Variants in HNF4G observed in about 807,000 individuals in gnomAD.
The protein encoded by HNF4G is hepatocyte nuclear factor 4-gamma.
In HNF4G, 21 loss-of-function variants were observed where a neutral mutation model predicts 50.9. The observed-to-expected ratio is 0.41, with a 90% CI of 0.29 to 0.59. The LOEUF is 0.59. Ranked by LOEUF, HNF4G falls within the 20% of genes least tolerant of loss-of-function variation. The pLI is 0.26. For missense variants in HNF4G, 527 were observed against 559.4 expected, an observed-to-expected ratio of 0.94 and a Z score of 0.58; for synonymous variants, 198 against 185.6, an observed-to-expected ratio of 1.07 and a Z score of -0.54.
intron 1 of HNF4G, among the ~76,000 whole-genome samples, chr8:75,462,071 C>T (rs1811866217): frequency 6.6e-6 from 1 of 151,808 alleles, no homozygotes; most frequent in South Asian, 2.1e-4. Flanking sequence ...GCATGCACCA[C>T]CATGGCTGTC....
At chr8:75,500,899 T>C (rs1481736218) in intron 2 of HNF4G, among the ~76,000 whole-genome samples, 1 of 152,100 alleles carries the variant, frequency 6.6e-6, no homozygotes, top group Non-Finnish European at 1.5e-5. Context: ...TATTGGTTTT[T>C]TGAGGACTGA....
intron 1 of HNF4G, among the ~76,000 whole-genome samples, chr8:75,445,851 A>G (rs2130561574): frequency 1.7e-5 from 2 of 114,576 alleles, no homozygotes; most frequent in Non-Finnish European, 3.5e-5. Context: ...TACCAGAGGT[A>G]CAAGGAGGAA....
At chr8:75,422,895 T>G (rs931546993) in intron 1 of HNF4G, among the ~76,000 whole-genome samples, 1 of 152,238 alleles carries the variant, frequency 6.6e-6, no homozygotes, top group African/African-American at 2.4e-5. Flanking sequence ...CAGGCACTGC[T>G]CTAAATGCTT....
rs192933809 is a variant in HNF4G at position 75,529,022 on chromosome 8, A to C, written c.-23-14789A>C. Among the ~76,000 whole-genome samples, 670 of 152,072 alleles carry C rather than the reference A, an allele frequency of 4.4e-3. 6 individuals carry two copies. The highest frequency in any genetic ancestry group is 0.014 in the African/African-American group (589 of 41,506). On this transcript the variant is annotated intron_variant, in intron 2 of 10. Transcript: ENST00000354370. The stretch of plus-strand genomic sequence containing the variant: ...CAGATCTCTGCCGGGCGCGGTGGCT[A>C]ACGCCTGTAATCCCAGCACTTTGGG...
chr8:75,458,690 C>T (rs1263637203), intron 1 of HNF4G, among the ~76,000 whole-genome samples: 1 of 152,196 alleles, frequency 6.6e-6, no homozygotes, highest in Non-Finnish European at 1.5e-5. Flanking sequence ...TGGAAAGAAG[C>T]AATAACCTCC....
At chr8:75,531,968 G>GT (rs1229446145) in intron 2 of HNF4G, among the ~76,000 whole-genome samples, 4 of 151,844 alleles carry the variant, frequency 2.6e-5, no homozygotes, top group African/African-American at 9.7e-5. Context: ...CAACTATTCT[G>GT]TTTTTATTAT....
At chr8:75,556,132 A>G in intron 6 of HNF4G, 63 bp downstream of exon 6, 1 of 871,376 alleles carries the variant, frequency 1.1e-6, no homozygotes, top group Non-Finnish European at 1.8e-6. Flanking sequence ...AATATTATAC[A>G]GGGTCTGTTC....
At chr8:75,488,049 G>A (rs1812534792) in intron 1 of HNF4G, among the ~76,000 whole-genome samples, 1 of 152,198 alleles carries the variant, frequency 6.6e-6, no homozygotes, top group Non-Finnish European at 1.5e-5. Flanking sequence ...CCTCCCACCA[G>A]ATCCCTCCCA....
chr8:75,505,376 T>C (rs1813049253), intron 2 of HNF4G, among the ~76,000 whole-genome samples: 1 of 152,142 alleles, frequency 6.6e-6, no homozygotes, highest in Admixed American at 6.6e-5. Flanking sequence ...TAGATACACC[T>C]TTGGAATATG....
chr8:75,522,283 G>A (rs1228403883), intron 2 of HNF4G, among the ~76,000 whole-genome samples: 1 of 152,200 alleles, frequency 6.6e-6, no homozygotes, highest in Non-Finnish European at 1.5e-5. Flanking sequence ...GTAAGAGCCA[G>A]TGTTTATATA....
At chr8:75,512,024 T>C (rs1316519820) in intron 2 of HNF4G, among the ~76,000 whole-genome samples, 1 of 152,214 alleles carries the variant, frequency 6.6e-6, no homozygotes, top group Admixed American at 6.5e-5. Flanking sequence ...AGGAATACAA[T>C]AGATAATTAT....
intron 1 of HNF4G, among the ~76,000 whole-genome samples, chr8:75,454,695 T>A (rs1469084187): frequency 6.6e-6 from 1 of 152,176 alleles, no homozygotes; most frequent in Non-Finnish European, 1.5e-5. Flanking sequence ...TTAATTAGCC[T>A]ACCCAAAATA....
intron 1 of HNF4G, among the ~76,000 whole-genome samples, chr8:75,417,417 T>A (rs962971510): frequency 6.6e-6 from 1 of 152,238 alleles, no homozygotes; most frequent in East Asian, 1.9e-4. Flanking sequence ...ATCTCCACTA[T>A]GCTACTAAGG....
intron 2 of HNF4G, among the ~76,000 whole-genome samples, chr8:75,503,063 G>A (rs1812973480): frequency 6.6e-6 from 1 of 152,124 alleles, no homozygotes; most frequent in Admixed American, 6.6e-5. Flanking sequence ...TATTAGGAAG[G>A]GCAGCAGGGG....
intron 1 of HNF4G, among the ~76,000 whole-genome samples, chr8:75,423,964 C>G (rs975665286): frequency 1.3e-5 from 2 of 151,344 alleles, no homozygotes; most frequent in Non-Finnish European, 2.9e-5. Context: ...GCTGGGACTA[C>G]AAGTATGCAT....
chr8:75,449,651 C>T (rs1409274544), intron 1 of HNF4G, among the ~76,000 whole-genome samples: 2 of 151,656 alleles, frequency 1.3e-5, no homozygotes, highest in Non-Finnish European at 2.9e-5. Context: ...GGACTACAGG[C>T]TCCCGCCACC....
chr8:75,552,294 G>C (rs908015100), intron 4 of HNF4G, among the ~76,000 whole-genome samples: 5 of 152,042 alleles, frequency 3.3e-5, no homozygotes, highest in African/African-American at 1.2e-4. Flanking sequence ...AGCTTTTAGA[G>C]AATGACCTAA....
rs1448926561 is a variant in HNF4G at position 75,432,509 on chromosome 8, C to T, written c.-144+24347C>T. On this transcript the variant is annotated intron_variant, in intron 1 of 10. Transcript: ENST00000354370. ...AGAGATGGGGTTTCAGCATGTTGGC[C>T]AGGCTGGTCTCAAACTGCTGATCTC... Among the ~76,000 whole-genome samples the T allele has an allele frequency of 2.6e-5, 4 of 152,088 alleles. No individual in the cohort carries two copies. The South Asian group carries it at 8.3e-4, about 31-fold the overall frequency.
rs375136639 is a variant in HNF4G at position 75,432,379 on chromosome 8, C to T, written c.-144+24217C>T. Among the ~76,000 whole-genome samples, 18 of 152,090 alleles carry T rather than the reference C, an allele frequency of 1.2e-4. No individual in the cohort carries two copies. In the East Asian group the frequency reaches 1.5e-3, roughly 13 times the overall value. On this transcript the variant is annotated intron_variant, in intron 1 of 10. Transcript: ENST00000354370. ...TTGCCCAGGCTGGAGTGCAGTGGTG[C>T]AATCTTGGCTCACTGCAACCTCCAC...
Sources: gnomAD v4.1 joint callset for allele counts (sites outside exome capture counted in the v4.1 genomes callset) on GRCh38, gnomAD v4.1.1 for gene constraint, MANE v1.5 for transcripts, NCBI Gene and HGNC (gene_info 2026-07-23, HGNC 2026-07-21) for gene names.